EYS: variants seen among roughly 807,000 people sequenced by gnomAD.
EYS encodes the protein protein eyes shut homolog.
A neutral mutation model predicts 282.1 loss-of-function variants in EYS; 250 were observed. That is an observed-to-expected ratio of 0.89 (90% CI 0.80 to 0.98). The LOEUF (loss-of-function observed/expected upper bound fraction) is 0.98. Among genes scored for constraint, EYS ranks in the 50% least tolerant of loss-of-function variants. The probability of loss-of-function intolerance (pLI) is 0.00; values close to 1 mark genes in which losing one functional copy is unlikely to be tolerated. For missense variants in EYS, 4,016 were observed against 3,709.0 expected, an observed-to-expected ratio of 1.08 and a Z score of -2.15; for synonymous variants, 1,355 against 1,282.9, an observed-to-expected ratio of 1.06 and a Z score of -1.20.
At chr6:65,123,890 T>C (rs933682947) in intron 12 of EYS, among the ~76,000 whole-genome samples, 1 of 152,114 alleles carries the variant, frequency 6.6e-6, no homozygotes, top group African/African-American at 2.4e-5. Flanking sequence ...ATGTTCATAA[T>C]GTTAAATTAA....
At chr6:63,843,503 C>T (rs1182850614) in intron 36 of EYS, among the ~76,000 whole-genome samples, 2 of 152,070 alleles carry the variant, frequency 1.3e-5, no homozygotes, top group Admixed American at 6.6e-5. Context: ...AGTTTTGGGG[C>T]TTATTATCTC....
At chr6:65,081,976 T>C (rs1382266805) in intron 12 of EYS, among the ~76,000 whole-genome samples, 2 of 152,056 alleles carry the variant, frequency 1.3e-5, no homozygotes, top group African/African-American at 2.4e-5. Flanking sequence ...CAAGGTGTAT[T>C]CTCAGTAATT....
intron 26 of EYS, among the ~76,000 whole-genome samples, chr6:64,507,070 C>G (rs940115117): frequency 2.7e-5 from 4 of 149,380 alleles, no homozygotes; most frequent in African/African-American, 9.8e-5. Context: ...ACAAAAAGTT[C>G]AATTAAATTA....
chr6:64,421,566 A>G (rs1317793651), intron 28 of EYS, among the ~76,000 whole-genome samples: 1 of 152,174 alleles, frequency 6.6e-6, no homozygotes, highest in Non-Finnish European at 1.5e-5. Flanking sequence ...TTCTTCTAGT[A>G]AGGTCAGGCT....
chr6:64,122,733 A>G (rs1218144160), intron 31 of EYS, among the ~76,000 whole-genome samples: 1 of 152,208 alleles, frequency 6.6e-6, no homozygotes, highest in African/African-American at 2.4e-5. Flanking sequence ...AAACAAATAA[A>G]TTAGCAGAAT....
chr6:64,278,739 T>TC (rs1768202095), intron 30 of EYS, among the ~76,000 whole-genome samples: 1 of 151,902 alleles, frequency 6.6e-6, no homozygotes, highest in African/African-American at 2.4e-5. Context: ...TCTCTCTCTC[T>TC]TTCTCTCTTT....
At chr6:63,955,485 T>G (rs1313325713) in intron 35 of EYS, among the ~76,000 whole-genome samples, 1 of 152,124 alleles carries the variant, frequency 6.6e-6, no homozygotes, top group Non-Finnish European at 1.5e-5. Flanking sequence ...TTCCCATTCT[T>G]ATGCCACCCT....
intron 33 of EYS, among the ~76,000 whole-genome samples, chr6:64,057,014 C>T (rs1193043066): frequency 6.6e-6 from 1 of 152,098 alleles, no homozygotes; most frequent in Non-Finnish European, 1.5e-5. Flanking sequence ...GGGACCAGGA[C>T]AGAATTCTAT....
At chr6:64,133,535 G>T in intron 31 of EYS, among the ~76,000 whole-genome samples, 1 of 147,562 alleles carries the variant, frequency 6.8e-6, no homozygotes, top group East Asian at 2.0e-4. Flanking sequence ...CATTTGTATT[G>T]GTTTAACTAT....
chr6:65,249,275 C>T (rs114708555), intron 12 of EYS, among the ~76,000 whole-genome samples: 79 of 151,964 alleles, frequency 5.2e-4, no homozygotes, highest in African/African-American at 1.9e-3. Flanking sequence ...TAATATTTAC[C>T]TGGTTTCATT....
At chr6:64,408,175 T>TAATA (rs555936697) in intron 28 of EYS, among the ~76,000 whole-genome samples, 2,982 of 151,888 alleles carry the variant, frequency 0.02, 34 homozygotes, top group Non-Finnish European at 0.032. Context: ...AATGAGTTAA[T>TAATA]AATAAATAAA....
chr6:64,609,342 T>C (rs553378618), intron 24 of EYS, among the ~76,000 whole-genome samples: 2 of 152,156 alleles, frequency 1.3e-5, no homozygotes, highest in African/African-American at 4.8e-5. Flanking sequence ...GCAGGAAGGA[T>C]TGGAGATCAT....
At chr6:65,315,331 C>T (rs1236008138) in intron 11 of EYS, among the ~76,000 whole-genome samples, 3 of 152,152 alleles carry the variant, frequency 2.0e-5, no homozygotes, top group Admixed American at 6.5e-5. Context: ...CTCTACTATA[C>T]ATAAATGCAT....
At chr6:64,079,794 T>C (rs759184161) in intron 32 of EYS, among the ~76,000 whole-genome samples, 16 of 152,186 alleles carry the variant, frequency 1.1e-4, no homozygotes, top group East Asian at 1.9e-4. Context: ...CATTGTTCAA[T>C]TCCCACCTAT....
intron 5 of EYS, among the ~76,000 whole-genome samples, chr6:65,458,746 G>C (rs1376108185): frequency 6.6e-6 from 1 of 152,056 alleles, no homozygotes; most frequent in East Asian, 1.9e-4. Context: ...TGCCTACAAA[G>C]CACATACACA....
intron 19 of EYS, among the ~76,000 whole-genome samples, chr6:64,830,210 A>T (rs139519732): frequency 1.3e-5 from 2 of 152,130 alleles, no homozygotes; most frequent in Non-Finnish European, 2.9e-5. Context: ...TTCACTGGAC[A>T]TCAAATCTGC....
chr6:65,172,407 G>T (rs1765125526), intron 12 of EYS, among the ~76,000 whole-genome samples: 1 of 151,266 alleles, frequency 6.6e-6, no homozygotes, highest in Admixed American at 6.6e-5. Flanking sequence ...CAATAAGAAT[G>T]CTGACAAATA....
chr6:64,549,705 C>T (rs538904042), intron 26 of EYS, among the ~76,000 whole-genome samples: 38 of 151,498 alleles, frequency 2.5e-4, no homozygotes, highest in Middle Eastern at 6.9e-3. Flanking sequence ...AATATACACT[C>T]CTTACGCCTT....
At chr6:64,159,087 A>G (rs1775021007) in intron 31 of EYS, among the ~76,000 whole-genome samples, 1 of 152,174 alleles carries the variant, frequency 6.6e-6, no homozygotes, top group African/African-American at 2.4e-5. Context: ...CCAAATCCCC[A>G]CAAATCCCCA....
Sources: gnomAD v4.1 joint callset for allele counts (sites outside exome capture counted in the v4.1 genomes callset) on GRCh38, gnomAD v4.1.1 for gene constraint, MANE v1.5 for transcripts, NCBI Gene and HGNC (gene_info 2026-07-23, HGNC 2026-07-21) for gene names.